FMN2: variants seen among roughly 807,000 people sequenced by gnomAD.
FMN2 encodes formin 2, also known as formin-2.
A neutral mutation model predicts 142.3 loss-of-function variants in FMN2; 51 were observed. The ratio of observed to expected loss-of-function variants is 0.36; its 90% CI spans 0.29 to 0.45. FMN2 has a LOEUF of 0.45. Ranked by LOEUF, FMN2 falls within the 20% of genes least tolerant of loss-of-function variation. The pLI is 1.00. For synonymous variants in FMN2, 882 were observed against 869.8 expected, an observed-to-expected ratio of 1.01 and a Z score of -0.25; for missense variants, 1,936 against 2,122.8, an observed-to-expected ratio of 0.91 and a Z score of 1.73.
chr1:240,169,338 A>G (rs1447895700), intron 2 of FMN2, among the ~76,000 whole-genome samples: 1 of 152,192 alleles, frequency 6.6e-6, no homozygotes, highest in Non-Finnish European at 1.5e-5. Flanking sequence ...CAGATATCAC[A>G]CCCAAGCCCA....
chr1:240,100,691 C>T (rs925033408), intron 1 of FMN2, among the ~76,000 whole-genome samples: 1 of 152,156 alleles, frequency 6.6e-6, no homozygotes, highest in Admixed American at 6.5e-5. Flanking sequence ...TAAAGATGTA[C>T]TTGGAAGTGT....
At position 240,438,171 on chromosome 1, in the gene FMN2, A is replaced by G; in HGVS notation, c.5021A>G (p.Asp1674Gly). ...CATGAATTCAGCTCTGACTTTAAAG[A>G]CTTCTGGAAGAAAGAGAACAAACTT... ...IWHEFSSDFK[D>G]FWKKENKLLL... is the part of the protein sequence containing the mutation. The change falls in exon 16 of 18, where the codon GAC (aspartate) becomes GGC (glycine). Residue 1674 changes from aspartate to glycine, a missense_variant. By Grantham distance (94) the Asp-to-Gly change is moderately conservative (BLOSUM62 -1). This residue lies in a region of FMN2 where 322 missense variants were observed against 401.6 expected (regional missense o/e 0.80). Coordinates refer to ENST00000319653, the MANE Select transcript of FMN2 (RefSeq NM_020066.5). 6.2e-7 allele frequency: 1 copy of G among 1,614,062 alleles called. No homozygotes were observed. The highest frequency in any genetic ancestry group is 8.5e-7 in the Non-Finnish European group (1 of 1,179,970).
intron 9 of FMN2, 49 bp downstream of exon 9, chr1:240,329,216 C>T (rs779209706): frequency 4.4e-6 from 7 of 1,606,202 alleles, no homozygotes; most frequent in South Asian, 1.1e-5. Context: ...TATGGGTGGG[C>T]CCGTTTTGTT....
Position 240,092,841 on chromosome 1 carries a change from G to A in FMN2, c.732G>A (p.Gly244=), listed in dbSNP as rs1558289874. The change falls in exon 1 of 18, where the codon GGG becomes GGA. Residue 244 remains glycine, a synonymous_variant. Coordinates refer to ENST00000319653, the MANE Select transcript of FMN2 (RefSeq NM_020066.5). Reference sequence around the variant, plus strand: ...CCACTGCCGTCTCCCCTCAGCCCGGGGCCTTCCTGGGCCTGGACCGGTTCC... The same window carrying A: ...CCACTGCCGTCTCCCCTCAGCCCGGAGCCTTCCTGGGCCTGGACCGGTTCC... ...APPTAVSPQP[G]AFLGLDRFLL... is the part of the protein sequence containing the mutation. The A allele has an allele frequency of 2.6e-6, 4 of 1,553,092 alleles. No homozygotes were observed. Among genetic ancestry groups the A allele is most frequent in the African/African-American group, 2.7e-5 (2 of 73,468 alleles).
chr1:240,415,161 A>C (rs1674535017), intron 15 of FMN2, among the ~76,000 whole-genome samples: 1 of 152,220 alleles, frequency 6.6e-6, no homozygotes, highest in African/African-American at 2.4e-5. Context: ...GATAGACTGG[A>C]TAAAGAAAAT....
intron 16 of FMN2, among the ~76,000 whole-genome samples, chr1:240,440,523 T>G (rs2103185402): frequency 6.6e-6 from 1 of 152,332 alleles, no homozygotes; most frequent in Non-Finnish European, 1.5e-5. Flanking sequence ...CCTGTGCTTG[T>G]CATGTCCTAG....
In FMN2 at chr1:240,230,273, G is replaced by A. The variant is rs1247671509; in HGVS notation, c.4065+19038G>A. On this transcript the variant is annotated intron_variant, in intron 6 of 17. Transcript: ENST00000319653. ...GCCCAGGAGGTCAAGGCTGCAGTGA[G>A]CCGAGATCAAGCCACTGCACTCCAG... Among the ~76,000 whole-genome samples, 4 of 130,370 alleles carry A rather than the reference G, an allele frequency of 3.1e-5. 1 individual carries two copies. Among genetic ancestry groups the A allele is most frequent in the Non-Finnish European group, 6.4e-5 (4 of 62,522 alleles). 85.5% of individuals were successfully genotyped at this position (130,370 alleles called of 152,430 possible).
At chr1:240,417,027 A>G (rs1281954520) in intron 15 of FMN2, among the ~76,000 whole-genome samples, 1 of 150,044 alleles carries the variant, frequency 6.7e-6, no homozygotes, top group Non-Finnish European at 1.5e-5. Flanking sequence ...TCTTTAGCTG[A>G]TGAGTTACTT....
intron 1 of FMN2, among the ~76,000 whole-genome samples, chr1:240,114,167 A>C (rs532272320): frequency 6.6e-6 from 1 of 152,334 alleles, no homozygotes; most frequent in East Asian, 1.9e-4. Flanking sequence ...ATTTAAAACA[A>C]GCTCCAGACA....
intron 14 of FMN2, among the ~76,000 whole-genome samples, chr1:240,365,753 T>G (rs1247570397): frequency 6.6e-6 from 1 of 152,216 alleles, no homozygotes; most frequent in Non-Finnish European, 1.5e-5. Flanking sequence ...TGTGTTTATG[T>G]TTAATGACAC....
At chr1:240,458,288 C>G (rs1676320821) in intron 16 of FMN2, 1 of 152,108 alleles carries the variant, frequency 6.6e-6, no homozygotes, top group South Asian at 2.1e-4. Flanking sequence ...TTGTATCTCC[C>G]ACATCTTATC....
chr1:240,146,664 T>C (rs986142044), intron 2 of FMN2, among the ~76,000 whole-genome samples: 7 of 152,068 alleles, frequency 4.6e-5, no homozygotes, highest in Admixed American at 4.6e-4. Context: ...AGACTTTGTC[T>C]CAATAAATAA....
At chr1:240,362,539 C>G (rs1032436720) in intron 14 of FMN2, among the ~76,000 whole-genome samples, 1 of 151,948 alleles carries the variant, frequency 6.6e-6, no homozygotes, top group Non-Finnish European at 1.5e-5. Context: ...ATTTTTGAAT[C>G]TAATTTGTAG....
At position 240,472,402 on chromosome 1, in the gene FMN2, G is replaced by C; in HGVS notation, c.5091G>C (p.Gln1697His). Residue 1697 changes from glutamine (Q) to histidine (H), a missense_variant, in exon 17 of 18, where the codon CAG becomes CAC. Gln to His is a conservative substitution (Grantham distance 24). This residue lies in a region of FMN2 where 322 missense variants were observed against 401.6 expected (regional missense o/e 0.80). Coordinates refer to ENST00000319653, the MANE Select transcript of FMN2 (RefSeq NM_020066.5). ...AAGAAGCCGAAGAGGTGTGTAGACA[G>C]AAGAAAGGAAAATCACTTTATAAAA... Reference protein sequence around the residue: ...RVKEAEEVCRQKKGKSLYKIK... With the variant: ...RVKEAEEVCRHKKGKSLYKIK... 6.2e-7 allele frequency: 1 copy of C among 1,612,284 alleles called. No individual in the cohort carries two copies. The highest frequency in any genetic ancestry group is 8.5e-7 in the Non-Finnish European group (1 of 1,179,360).
In FMN2 at chr1:240,207,000, G is replaced by T; in HGVS notation, c.2188G>T (p.Glu730Ter). The T allele has an allele frequency of 6.2e-7, 1 of 1,614,184 alleles. No homozygotes were observed. Among genetic ancestry groups the T allele is most frequent in the Non-Finnish European group, 8.5e-7 (1 of 1,180,022 alleles). Residue 730 changes from glutamate (E) to a stop codon, truncating the protein, a stop_gained, in exon 5 of 18, where the codon GAA (glutamate) becomes TAA (stop). Transcript: ENST00000319653. LOFTEE classifies it high-confidence loss of function. The part of the protein sequence containing the change: ...DVCLEALRLE[E>*]KEVRHHRILE... ...CTGTCTCGAAGCTCTCAGGTTAGAA[G>T]AAAAGGAAGTACGGCATCATAGGAT...
intron 2 of FMN2, among the ~76,000 whole-genome samples, chr1:240,159,751 G>C (rs541196239): frequency 2.0e-4 from 31 of 151,876 alleles, no homozygotes; most frequent in African/African-American, 7.0e-4. Context: ...TACAAATAAT[G>C]CATGCTCACT....
rs71567282 is a variant in FMN2, at chr1:240,241,825, C to CTTTTTTTTTTTTTT, written c.4066-16104_4066-16091dup. Among the ~76,000 whole-genome samples the CTTTTTTTTTTTTTT allele has an allele frequency of 1.6e-4, 15 of 96,230 alleles. 2 individuals are homozygous for CTTTTTTTTTTTTTT. The highest frequency in any genetic ancestry group is 5.3e-4 in the African/African-American group (14 of 26,324). The allele number at this position is 96,230 out of a possible 152,430, so 63.1% of individuals were successfully genotyped here. On this transcript the variant is annotated intron_variant, in intron 6 of 17. Transcript: ENST00000319653. ...ATTTTCTTTATTTTAGTGTGCCTTG[C>CTTTTTTTTTTTTTT]TTTTTTTTTTTTTTTTTTTTTTTTT...
chr1:240,135,931 G>A (rs1662920143), intron 2 of FMN2, among the ~76,000 whole-genome samples: 2 of 150,752 alleles, frequency 1.3e-5, no homozygotes, highest in Admixed American at 6.6e-5. Flanking sequence ...TGCCCACCCC[G>A]GCCTCCCAAA....
intron 15 of FMN2, among the ~76,000 whole-genome samples, chr1:240,399,621 T>G (rs1206300169): frequency 1.3e-5 from 2 of 152,176 alleles, no homozygotes; most frequent in Non-Finnish European, 2.9e-5. Context: ...CCAGAATTAC[T>G]CATTCCACCA....
Sources: allele counts gnomAD v4.1 joint callset (sites outside exome capture counted in the v4.1 genomes callset), GRCh38; gene constraint gnomAD v4.1.1; regional missense constraint gnomAD v4.1.1; transcripts MANE v1.5; gene names NCBI Gene and HGNC (gene_info 2026-07-23, HGNC 2026-07-21).